Variants in DLG2 observed in about 807,000 individuals in gnomAD.
DLG2 encodes the protein disks large homolog 2.
Under a neutral mutation model 132.5 loss-of-function variants are expected in DLG2, and 45 were observed. The ratio of observed to expected loss-of-function variants is 0.34; its 90% CI spans 0.27 to 0.44. DLG2 has a LOEUF of 0.44. Among genes scored for constraint, DLG2 ranks in the 20% least tolerant of loss-of-function variants. The pLI is 1.00. For synonymous variants in DLG2, 424 were observed against 419.6 expected (o/e 1.01, Z -0.13); for missense variants, 1,045 against 1,196.9 (o/e 0.87, Z 1.87).
chr11:84,007,955 G>T (rs1268879519), intron 11 of DLG2, among the ~76,000 whole-genome samples: 1 of 151,668 alleles, frequency 6.6e-6, no homozygotes, highest in African/African-American at 2.4e-5. Flanking sequence ...TTTCTTTCAA[G>T]ATTGTAATGA....
At chr11:84,526,778 T>C (rs7937357) in intron 7 of DLG2, among the ~76,000 whole-genome samples, 16,779 of 143,518 alleles carry the variant, frequency 0.12, 980 homozygotes, top group South Asian at 0.17. Flanking sequence ...TGGGGGTGTT[T>C]TTTTTTTTTT....
intron 6 of DLG2, among the ~76,000 whole-genome samples, chr11:84,906,544 A>T (rs7113785): frequency 0.012 from 1,898 of 151,952 alleles, 37 homozygotes; most frequent in African/African-American, 0.043. Context: ...ACAGCTTATT[A>T]AAAAAAACAA....
chr11:84,364,391 C>A (rs961547494), intron 7 of DLG2, among the ~76,000 whole-genome samples: 1 of 152,054 alleles, frequency 6.6e-6, no homozygotes, highest in Non-Finnish European at 1.5e-5. Context: ...AGTTGCTTAT[C>A]AGCTTAAGGA....
intron 4 of DLG2, among the ~76,000 whole-genome samples, chr11:85,233,797 T>C (rs957976991): frequency 6.6e-6 from 1 of 151,530 alleles, no homozygotes; most frequent in Admixed American, 6.6e-5. Flanking sequence ...GTTGTGACTA[T>C]GTGTGTGTGA....
intron 20 of DLG2, among the ~76,000 whole-genome samples, chr11:83,535,996 T>C (rs2095868542): frequency 6.6e-6 from 1 of 152,126 alleles, no homozygotes; most frequent in African/African-American, 2.4e-5. Flanking sequence ...CCACTCAGTT[T>C]GGGAAACAGC....
At chr11:84,484,533 C>T (rs1412230193) in intron 7 of DLG2, among the ~76,000 whole-genome samples, 1 of 152,140 alleles carries the variant, frequency 6.6e-6, no homozygotes. Flanking sequence ...GGATAATGAA[C>T]TGGTTAGAGT....
chr11:84,273,305 G>GAAA lies in DLG2; in HGVS notation c.520-22015_520-22014insTTT. The GAAA allele has an allele frequency of 1.8e-5, 8 of 436,296 alleles. No homozygotes were observed. The South Asian group carries it at 2.1e-4, about 12-fold the overall frequency. 27.0% of individuals were successfully genotyped at this position (436,296 alleles called of 1,614,324 possible). On this transcript the variant is annotated intron_variant, in intron 7 of 27. Coordinates refer to ENST00000376104, the MANE Select transcript of DLG2 (RefSeq NM_001142699.3). ...TGAGCTCACAGAACCCAGTTGAAGA[G>GAAA]GAAAAAAAAAAAAAAAAAAAAAAAC...
chr11:85,125,020 C>T (rs2074912920), intron 5 of DLG2, among the ~76,000 whole-genome samples: 1 of 152,042 alleles, frequency 6.6e-6, no homozygotes, highest in South Asian at 2.1e-4. Context: ...TTAGTAGATA[C>T]GGGGTTTCAC....
intron 3 of DLG2, among the ~76,000 whole-genome samples, chr11:85,517,883 T>C (rs1228948887): frequency 2.0e-5 from 3 of 152,264 alleles, no homozygotes; most frequent in Non-Finnish European, 4.4e-5. Context: ...GTTCTCATGA[T>C]AGTGAAGTAA....
At chr11:84,045,856 G>C (rs983123733) in intron 11 of DLG2, among the ~76,000 whole-genome samples, 2 of 151,640 alleles carry the variant, frequency 1.3e-5, no homozygotes, top group Non-Finnish European at 3.0e-5. Context: ...AAGGAGACTT[G>C]ACAGTGGCCT....
At chr11:83,757,044 T>A (rs2093677567) in intron 18 of DLG2, among the ~76,000 whole-genome samples, 1 of 152,240 alleles carries the variant, frequency 6.6e-6, no homozygotes. Context: ...AGTTATCACC[T>A]GTCCTATTCA....
chr11:84,771,232 A>T (rs1207156064), intron 6 of DLG2, among the ~76,000 whole-genome samples: 1 of 152,190 alleles, frequency 6.6e-6, no homozygotes, highest in African/African-American at 2.4e-5. Context: ...TTACAGTCCC[A>T]CCAACAGTGT....
chr11:84,366,902 A>T (rs1480170326), intron 7 of DLG2, among the ~76,000 whole-genome samples: 2 of 152,072 alleles, frequency 1.3e-5, no homozygotes, highest in Non-Finnish European at 2.9e-5. Context: ...AGACAGATCA[A>T]CGAGACAGAA....
At chr11:84,647,751 G>C (rs1371669588) in intron 6 of DLG2, among the ~76,000 whole-genome samples, 1 of 152,174 alleles carries the variant, frequency 6.6e-6, no homozygotes, top group Non-Finnish European at 1.5e-5. Context: ...ATAGAGATGT[G>C]AACAGTATTT....
At chr11:84,028,081 C>T (rs546974541) in intron 11 of DLG2, among the ~76,000 whole-genome samples, 69 of 151,312 alleles carry the variant, frequency 4.6e-4, no homozygotes, top group South Asian at 2.1e-3. Flanking sequence ...ACACCTATCA[C>T]TGTATTCTAG....
chr11:85,432,549 T>C (rs982455608), intron 3 of DLG2, among the ~76,000 whole-genome samples: 2 of 151,516 alleles, frequency 1.3e-5, no homozygotes, highest in African/African-American at 4.9e-5. Context: ...TACACAAGTA[T>C]CAGTAGCCAA....
intron 4 of DLG2, among the ~76,000 whole-genome samples, chr11:85,261,732 T>G (rs770318769): frequency 6.6e-6 from 1 of 152,012 alleles, no homozygotes. Context: ...CTGGAAGACA[T>G]GAATTTGACA....
chr11:84,826,289 C>T (rs1415343215), intron 6 of DLG2, among the ~76,000 whole-genome samples: 1 of 151,708 alleles, frequency 6.6e-6, no homozygotes, highest in African/African-American at 2.4e-5. Context: ...AATAGTAGGC[C>T]TTATTTATTC....
intron 7 of DLG2, among the ~76,000 whole-genome samples, chr11:84,343,068 T>A (rs984945215): frequency 6.6e-6 from 1 of 151,948 alleles, no homozygotes; most frequent in Non-Finnish European, 1.5e-5. Flanking sequence ...ACAAAAACAA[T>A]GAGAAAGTTT....
Sources: allele counts gnomAD v4.1 joint callset (sites outside exome capture counted in the v4.1 genomes callset), GRCh38; gene constraint gnomAD v4.1.1; transcripts MANE v1.5; gene names NCBI Gene and HGNC (gene_info 2026-07-23, HGNC 2026-07-21).